The following AARS1 variants were observed in gnomAD, a reference collection of about 807,000 sequenced individuals.
The protein encoded by AARS1 is alanine--tRNA ligase, cytoplasmic.
AARS1 carries 72 observed loss-of-function variants against 108.9 expected under a neutral mutation model. The ratio of observed to expected loss-of-function variants is 0.66; its 90% CI spans 0.55 to 0.80. The LOEUF is 0.80. AARS1 is among the 30% of genes least tolerant of loss of function. The pLI is 0.00. For missense variants in AARS1, 1,193 were observed against 1,233.2 expected, an observed-to-expected ratio of 0.97 and a Z score of 0.49; for synonymous variants, 489 against 465.7, an observed-to-expected ratio of 1.05 and a Z score of -0.64.
intron 1 of AARS1, among the ~76,000 whole-genome samples, chr16:70,288,028 G>C (rs1433391945): frequency 6.6e-6 from 1 of 151,506 alleles, no homozygotes; most frequent in Non-Finnish European, 1.5e-5. Flanking sequence ...GCCTCCCAAA[G>C]TGCTGGGATT....
chr16:70,281,788 G>A (rs1403982200), intron 2 of AARS1, among the ~76,000 whole-genome samples: 1 of 152,120 alleles, frequency 6.6e-6, no homozygotes, highest in East Asian at 1.9e-4. Context: ...GGAGTCTGAG[G>A]CTACAGCATG....
chr16:70,283,072 GCT>G (rs1236253989), intron 1 of AARS1, among the ~76,000 whole-genome samples: 4 of 152,154 alleles, frequency 2.6e-5, no homozygotes, highest in Non-Finnish European at 5.9e-5. Flanking sequence ...TCGAGCATCT[GCT>G]CTGTGTCAGG....
Position 70,258,151 on chromosome 16 carries a change from C to G in AARS1, c.2059G>C (p.Asp687His). The change falls in exon 15 of 21, where the codon GAT becomes CAT. Residue 687 changes from aspartate (D) to histidine (H), a missense_variant. Transcript: ENST00000261772. ...KAIQGLRAVF[D>H]ETYPDPVRVV... Reference sequence around the variant, plus strand: ...CGCACAGGGTCAGGATAGGTCTCATCAAACACAGCCCGTAGGCCCTGGATG... The same window carrying G: ...CGCACAGGGTCAGGATAGGTCTCATGAAACACAGCCCGTAGGCCCTGGATG... The G allele has an allele frequency of 6.2e-7, 1 of 1,611,474 alleles. No homozygotes were observed. The highest frequency in any genetic ancestry group is 8.5e-7 in the Non-Finnish European group (1 of 1,178,728).
chr16:70,263,909 T>A (rs966345866), intron 11 of AARS1, among the ~76,000 whole-genome samples: 8 of 152,220 alleles, frequency 5.3e-5, no homozygotes, highest in African/African-American at 1.9e-4. Context: ...AGTGCTGGGA[T>A]TACAGGCATG....
intron 4 of AARS1, among the ~76,000 whole-genome samples, chr16:70,275,873 T>C (rs1597445607): frequency 7.5e-6 from 1 of 133,520 alleles, no homozygotes; most frequent in East Asian, 2.2e-4. Flanking sequence ...GGAAGCAGAG[T>C]TTGCAGTGAA....
rs1006072048 is a variant in AARS1, at chr16:70,282,534, C to T, written c.144+86G>A. On this transcript the variant is annotated intron_variant, in intron 2 of 20. Transcript: ENST00000261772. ...ACACAGGGAGTGACAGAACCAGAAT[C>T]GGTCTGACCCCAGGGCTGTGCTTTT... 9 of 1,519,972 alleles carry T rather than the reference C, an allele frequency of 5.9e-6. No homozygotes were observed. In the Admixed American group the frequency reaches 8.4e-5, roughly 14 times the overall value. The allele number at this position is 1,519,972 out of a possible 1,614,324, so 94.2% of individuals were successfully genotyped here.
At chr16:70,263,389 C>T (rs1054152941) in intron 11 of AARS1, among the ~76,000 whole-genome samples, 2 of 151,924 alleles carry the variant, frequency 1.3e-5, no homozygotes, top group Non-Finnish European at 2.9e-5. Context: ...CTGGCCAACA[C>T]GGTGAAACCC....
chr16:70,275,756 C>T (rs1450116457), intron 4 of AARS1, among the ~76,000 whole-genome samples: 1 of 149,506 alleles, frequency 6.7e-6, no homozygotes, highest in Non-Finnish European at 1.5e-5. Context: ...GAGCGAGACT[C>T]CAACAACAAC....
chr16:70,257,392 G>A (rs926614174), intron 15 of AARS1, among the ~76,000 whole-genome samples: 3 of 152,080 alleles, frequency 2.0e-5, no homozygotes, highest in Non-Finnish European at 2.9e-5. Context: ...TCCACCCTGC[G>A]GGACAGAGCA....
intron 15 of AARS1, 113 bp from the exon 16 acceptor site, chr16:70,255,949 G>T: frequency 1.0e-6 from 1 of 972,538 alleles, no homozygotes; most frequent in Non-Finnish European, 1.6e-6. Context: ...GGGAAAGCCT[G>T]GGCTTGAGAG....
intron 13 of AARS1, 24 bp from the exon 14 acceptor site, chr16:70,259,210 G>A (rs748542233): frequency 1.9e-6 from 3 of 1,605,938 alleles, no homozygotes; most frequent in South Asian, 1.1e-5. Context: ...AGGGGCTCAT[G>A]GAGAGGTCTG....
At chr16:70,276,759 G>A in intron 3 of AARS1, 128 bp from the exon 4 acceptor site, 1 of 1,239,944 alleles carries the variant, frequency 8.1e-7, no homozygotes, top group Non-Finnish European at 1.1e-6. Context: ...TTCAAGATCA[G>A]TTTATGTAAG....
rs561201011 is a variant in AARS1 at position 70,273,208 on chromosome 16, G to C, written c.480-1236C>G. Among the ~76,000 whole-genome samples the C allele has an allele frequency of 2.0e-5, 3 of 152,176 alleles. No homozygotes were observed. The South Asian group carries it at 6.2e-4, about 32-fold the overall frequency. Reference sequence around the variant, plus strand: ...GTTTCCAAGTATAGTAAAAAGCTATGCACTAAAGGATGAAAGAATTAAGTA... The same window carrying C: ...GTTTCCAAGTATAGTAAAAAGCTATCCACTAAAGGATGAAAGAATTAAGTA... On this transcript the variant is annotated intron_variant, in intron 4 of 20. Coordinates refer to ENST00000261772, the MANE Select transcript of AARS1 (RefSeq NM_001605.3).
At chr16:70,269,891 C>G in intron 6 of AARS1, 128 bp from the exon 7 acceptor site, 1 of 1,277,796 alleles carries the variant, frequency 7.8e-7, no homozygotes, top group South Asian at 1.2e-5. Flanking sequence ...ATCCTATAAC[C>G]CCAAGAACGT....
chr16:70,277,731 G>A (rs375411200), intron 2 of AARS1, among the ~76,000 whole-genome samples: 135 of 149,554 alleles, frequency 9.0e-4, no homozygotes, highest in Middle Eastern at 7.1e-3. Context: ...TCAATTCACT[G>A]CTATCCAATT....
chr16:70,264,261 T>C (rs1296344923), intron 11 of AARS1, among the ~76,000 whole-genome samples: 1 of 151,328 alleles, frequency 6.6e-6, no homozygotes, highest in South Asian at 2.1e-4. Context: ...AAAAAAAGAA[T>C]GCTATTAGGA....
At chr16:70,254,312 CAAAT>C (rs754398056) in intron 17 of AARS1, 47 of 589,254 alleles carry the variant, frequency 8.0e-5, no homozygotes, top group Non-Finnish European at 1.2e-4. Flanking sequence ...GCTTGAAATG[CAAAT>C]AAATACCAGG....
At chr16:70,288,943 C>T (rs928404973) in intron 1 of AARS1, among the ~76,000 whole-genome samples, 2 of 152,114 alleles carry the variant, frequency 1.3e-5, no homozygotes, top group African/African-American at 4.8e-5. Flanking sequence ...GTATACTAAT[C>T]CTTTAACACC....
intron 5 of AARS1, 147 bp from the exon 6 acceptor site, chr16:70,270,487 G>GGGAGAAAGGAA: frequency 2.1e-6 from 2 of 960,996 alleles, no homozygotes; most frequent in Non-Finnish European, 1.6e-6. Flanking sequence ...GGGAAGTGGA[G>GGGAGAAAGGAA]GGAGAAAGGA....
Sources: gnomAD v4.1 joint callset for allele counts (sites outside exome capture counted in the v4.1 genomes callset) on GRCh38, gnomAD v4.1.1 for gene constraint, MANE v1.5 for transcripts, NCBI Gene and HGNC (gene_info 2026-07-23, HGNC 2026-07-21) for gene names.